The following PRR33 variants were observed in gnomAD, a reference collection of about 807,000 sequenced individuals.
The protein encoded by PRR33 is proline-rich protein 33.
PRR33 carries 1 observed loss-of-function variant against 0.5 expected under a neutral mutation model. The ratio of observed to expected loss-of-function variants is 2.18; its 90% CI spans 0.77 to 10.34. The LOEUF (loss-of-function observed/expected upper bound fraction) is 10.34. Among genes scored for constraint, PRR33 ranks in the 30% most tolerant of loss-of-function variants. PRR33 has a pLI of 0.13. For synonymous variants in PRR33, 226 were observed against 110.0 expected, an observed-to-expected ratio of 2.06 and a Z score of -6.60; for missense variants, 552 against 251.8, an observed-to-expected ratio of 2.19 and a Z score of -8.07.
chr11:1,908,662 G>A, the PRR33 span, among the ~76,000 whole-genome samples: 3 of 152,108 alleles, frequency 2.0e-5, no homozygotes, highest in African/African-American at 4.8e-5. Flanking sequence ...ATCTGGCCGC[G>A]TTCCTGAATT....
chr11:1,888,020 G>A (rs1002062684), downstream of PRR33, among the ~76,000 whole-genome samples: 3 of 152,276 alleles, frequency 2.0e-5, no homozygotes, highest in South Asian at 2.1e-4. Context: ...AGCCGAGAGC[G>A]ATTCAGAGGT....
Sources: allele counts gnomAD v4.1 joint callset (sites outside exome capture counted in the v4.1 genomes callset), GRCh38; gene constraint gnomAD v4.1.1; transcripts MANE v1.5; gene names NCBI Gene and HGNC (gene_info 2026-07-23, HGNC 2026-07-21).